The following IQCK variants were observed in gnomAD, a reference collection of about 807,000 sequenced individuals.
IQCK encodes the protein IQ motif containing K.
Under a neutral mutation model 28.1 loss-of-function variants are expected in IQCK, and 29 were observed. That is an observed-to-expected ratio of 1.03 (90% CI 0.77 to 1.41). IQCK has a LOEUF of 1.41. Among genes scored for constraint, IQCK ranks in the 40% most tolerant of loss-of-function variants. The pLI is 0.00. For synonymous variants in IQCK, 113 were observed against 115.1 expected (o/e 0.98, Z 0.12); for missense variants, 359 against 314.7 (o/e 1.14, Z -1.07).
chr16:19,827,268 A>T (rs1193834022), downstream of IQCK: 3 of 644,158 alleles, frequency 4.7e-6, no homozygotes, highest in Non-Finnish European at 5.6e-6. Context: ...GCATGGGGGA[A>T]GTGGCTGCAT....
At chr16:19,822,018 A>G (rs1270053087) in intron 7 of IQCK, among the ~76,000 whole-genome samples, 3 of 146,756 alleles carry the variant, frequency 2.0e-5, no homozygotes, top group Non-Finnish European at 3.0e-5. Context: ...GTGAGCCAAG[A>G]TCATGCATCA....
exon 10 of IQCK, chr16:19,857,628 A>G (rs1457629752): frequency 3.4e-6 from 1 of 294,552 alleles, no homozygotes; most frequent in Non-Finnish European, 6.4e-6. Flanking sequence ...GGATTATAAA[A>G]GCCACAATGC....
Position 19,730,498 on chromosome 16 carries a change from A to C in IQCK, c.246+4A>C, listed in dbSNP as rs373611026. On this transcript the variant is annotated splice_donor_region_variant and intron_variant, in intron 2 of 7. Coordinates refer to ENST00000564186, the Ensembl canonical transcript of IQCK. ...CAAACAGGAGCCTGTGATTACGGTG[A>C]GTATTACCTAGGCCTCAACCGAAGC... The C allele has an allele frequency of 2.9e-5, 46 of 1,597,378 alleles. No homozygotes were observed. The highest frequency in any genetic ancestry group is 3.8e-5 in the Non-Finnish European group (44 of 1,171,596).
chr16:19,804,683 C>T (rs1185437496), intron 7 of IQCK, among the ~76,000 whole-genome samples: 5 of 152,132 alleles, frequency 3.3e-5, no homozygotes, highest in Non-Finnish European at 7.3e-5. Flanking sequence ...ACTCCCTCCG[C>T]CTCCCAAAGT....
intron 7 of IQCK, among the ~76,000 whole-genome samples, chr16:19,799,591 TATATATAC>T (rs1434948959): frequency 8.8e-5 from 9 of 102,372 alleles, no homozygotes; most frequent in African/African-American, 4.6e-4. Context: ...TTTATATATA[TATATATAC>T]ACACACACAC....
intron 4 of IQCK, among the ~76,000 whole-genome samples, chr16:19,740,288 G>T (rs911252049): frequency 6.6e-6 from 1 of 152,134 alleles, no homozygotes; most frequent in Admixed American, 6.5e-5. Context: ...CCCATCATCT[G>T]TGTTTTGACT....
chr16:19,718,426 T>C, exon 1 of IQCK: 6 of 1,607,402 alleles, frequency 3.7e-6, no homozygotes, highest in South Asian at 1.1e-5. Context: ...GCGAGCTGCC[T>C]GTCTCGTCGT....
chr16:19,777,800 C>T (rs1371669260), intron 6 of IQCK, among the ~76,000 whole-genome samples: 1 of 152,146 alleles, frequency 6.6e-6, no homozygotes, highest in Non-Finnish European at 1.5e-5. Flanking sequence ...CCTGTAATCC[C>T]AGCACTTTGG....
intron 7 of IQCK, among the ~76,000 whole-genome samples, chr16:19,813,873 T>C (rs1213765761): frequency 1.5e-4 from 23 of 152,184 alleles, no homozygotes; most frequent in Admixed American, 1.5e-3. Flanking sequence ...TTGTTTTGTT[T>C]TGTTTTGTTT....
chr16:19,726,326 A>G lies in IQCK; in HGVS notation c.182-4104A>G, dbSNP rs113035206. Among the ~76,000 whole-genome samples the G allele has an allele frequency of 5.8e-3, 880 of 152,340 alleles. 11 individuals are homozygous for G. Among genetic ancestry groups the G allele is most frequent in the African/African-American group, 0.02 (834 of 41,590 alleles). On this transcript the variant is annotated intron_variant, in intron 1 of 7. Transcript: ENST00000564186. ...ACATGTGTTGAAAAACTTTTAATGT[A>G]TAAGATTGATTATACTCTAGAGAAA...
At chr16:19,773,693 A>G (rs1263764104) in intron 6 of IQCK, among the ~76,000 whole-genome samples, 1 of 152,208 alleles carries the variant, frequency 6.6e-6, no homozygotes, top group Non-Finnish European at 1.5e-5. Flanking sequence ...TCACAAAAAC[A>G]GGTGGTGGGC....
At chr16:19,783,739 G>C (rs2055525442) in intron 6 of IQCK, among the ~76,000 whole-genome samples, 1 of 152,140 alleles carries the variant, frequency 6.6e-6, no homozygotes, top group Non-Finnish European at 1.5e-5. Context: ...TCTTGGTTTG[G>C]GAACTAGACA....
At chr16:19,768,411 A>G (rs971226487) in intron 6 of IQCK, among the ~76,000 whole-genome samples, 10 of 152,220 alleles carry the variant, frequency 6.6e-5, no homozygotes, top group Non-Finnish European at 1.2e-4. Flanking sequence ...TTCAGGCAGA[A>G]TTAAGAGCCT....
intron 7 of IQCK, among the ~76,000 whole-genome samples, chr16:19,808,166 A>G (rs932329807): frequency 1.3e-5 from 2 of 152,136 alleles, no homozygotes; most frequent in Non-Finnish European, 2.9e-5. Context: ...AGCACTATAA[A>G]TAGTGGATTT....
chr16:19,748,365 G>A (rs1056588713), intron 4 of IQCK, among the ~76,000 whole-genome samples: 16 of 152,028 alleles, frequency 1.1e-4, no homozygotes, highest in African/African-American at 3.4e-4. Context: ...ATGAGACACC[G>A]AACCCAGCTA....
At chr16:19,755,316 G>A (rs1384270644) in intron 4 of IQCK, among the ~76,000 whole-genome samples, 1 of 152,112 alleles carries the variant, frequency 6.6e-6, no homozygotes, top group East Asian at 1.9e-4. Flanking sequence ...CAGGCCCTTG[G>A]GCAGCCACTC....
chr16:19,769,258 G>T (rs2055285273), intron 6 of IQCK, among the ~76,000 whole-genome samples: 1 of 152,154 alleles, frequency 6.6e-6, no homozygotes, highest in Non-Finnish European at 1.5e-5. Context: ...CCACATTCGA[G>T]GTTTAATAAT....
chr16:19,766,091 G>GC (rs1211093525), intron 6 of IQCK: 1 of 152,132 alleles, frequency 6.6e-6, no homozygotes, highest in Admixed American at 6.6e-5. Flanking sequence ...GCTTTAACGG[G>GC]CATTTATATT....
chr16:19,782,334 C>T (rs1477328773), intron 6 of IQCK, among the ~76,000 whole-genome samples: 1 of 151,606 alleles, frequency 6.6e-6, no homozygotes, highest in Admixed American at 6.6e-5. Flanking sequence ...TGCAGTGAGC[C>T]GAGATCGCAC....
Sources: gnomAD v4.1 joint callset for allele counts (sites outside exome capture counted in the v4.1 genomes callset) on GRCh38, gnomAD v4.1.1 for gene constraint, MANE v1.5 for transcripts, NCBI Gene and HGNC (gene_info 2026-07-23, HGNC 2026-07-21) for gene names.